The following L3MBTL4 variants were observed in gnomAD, a reference collection of about 807,000 sequenced individuals.
L3MBTL4 encodes lethal(3)malignant brain tumor-like protein 4.
L3MBTL4 carries 70 observed loss-of-function variants against 84.5 expected under a neutral mutation model. The observed-to-expected ratio is 0.83, with a 90% confidence interval of 0.68 to 1.01. The LOEUF (loss-of-function observed/expected upper bound fraction) is 1.01, where lower values mean the gene tolerates loss of function less well. L3MBTL4 is among the 50% of genes least tolerant of loss of function. The pLI is 0.00. For missense variants in L3MBTL4, 715 were observed against 754.8 expected, an observed-to-expected ratio of 0.95 and a Z score of 0.62; for synonymous variants, 274 against 259.8, an observed-to-expected ratio of 1.05 and a Z score of -0.52.
chr18:6,079,059 T>G (rs2057975890), intron 16 of L3MBTL4, among the ~76,000 whole-genome samples: 1 of 152,144 alleles, frequency 6.6e-6, no homozygotes, highest in African/African-American at 2.4e-5. Context: ...AGAGCAGCTG[T>G]GAATGCAGAT....
chr18:5,986,922 C>T (rs539795559), intron 16 of L3MBTL4, among the ~76,000 whole-genome samples: 1 of 152,248 alleles, frequency 6.6e-6, no homozygotes, highest in South Asian at 2.1e-4. Flanking sequence ...TTGTGCTATG[C>T]AAATGTTAGG....
intron 12 of L3MBTL4, among the ~76,000 whole-genome samples, chr18:6,181,755 C>T (rs1383001564): frequency 4.6e-5 from 7 of 151,906 alleles, no homozygotes; most frequent in East Asian, 1.9e-4. Flanking sequence ...AGTGAGAATA[C>T]GTGGTATTTG....
intron 1 of L3MBTL4, among the ~76,000 whole-genome samples, chr18:6,374,954 G>A (rs1398657850): frequency 2.0e-5 from 3 of 152,080 alleles, no homozygotes; most frequent in African/African-American, 4.8e-5. Context: ...GACACAATTC[G>A]ATAAAGCCTT....
chr18:6,203,414 T>C lies in L3MBTL4; in HGVS notation c.981+9735A>G, dbSNP rs574905651. ...TGAAGTTTATTCCAAAATTAGGGTGTAATTGGCTCATAAAGTTGACTAGAC... is the reference window on the plus strand; with the variant it reads ...TGAAGTTTATTCCAAAATTAGGGTGCAATTGGCTCATAAAGTTGACTAGAC... On this transcript the variant is annotated intron_variant, in intron 12 of 18. Coordinates refer to ENST00000317931, the MANE Select transcript of L3MBTL4 (RefSeq NM_001330559.2). Among the ~76,000 whole-genome samples, 23 of 152,282 alleles carry C rather than the reference T, an allele frequency of 1.5e-4. No individual in the cohort carries two copies. The East Asian group carries it at 3.1e-3, about 20-fold the overall frequency.
intron 1 of L3MBTL4, among the ~76,000 whole-genome samples, chr18:6,360,372 A>G (rs2053632207): frequency 6.6e-6 from 1 of 152,186 alleles, no homozygotes; most frequent in Non-Finnish European, 1.5e-5. Flanking sequence ...CCCTGTCTCA[A>G]AACAAAAATT....
At chr18:6,151,801 ACATCACCACC>A (rs2144842458) in intron 13 of L3MBTL4, among the ~76,000 whole-genome samples, 1 of 152,346 alleles carries the variant, frequency 6.6e-6, no homozygotes, top group South Asian at 2.1e-4. Context: ...TCAAATTAAC[ACATCACCACC>A]CATGCTGTAC....
At chr18:6,242,938 G>C (rs1283732351) in intron 7 of L3MBTL4, among the ~76,000 whole-genome samples, 1 of 152,088 alleles carries the variant, frequency 6.6e-6, no homozygotes, top group African/African-American at 2.4e-5. Flanking sequence ...TCCTCACCTT[G>C]CTGTATCATT....
At chr18:6,094,575 C>G (rs552068348) in intron 14 of L3MBTL4, among the ~76,000 whole-genome samples, 1 of 152,226 alleles carries the variant, frequency 6.6e-6, no homozygotes, top group South Asian at 2.1e-4. Flanking sequence ...GCAGTTGATT[C>G]TTTTCTGAGC....
chr18:6,083,170 G>A (rs1009684188), intron 15 of L3MBTL4, among the ~76,000 whole-genome samples: 6 of 152,236 alleles, frequency 3.9e-5, no homozygotes, highest in Admixed American at 6.5e-5. Flanking sequence ...TTCCAATAGC[G>A]TACAGTTTAC....
intron 4 of L3MBTL4, among the ~76,000 whole-genome samples, chr18:6,293,197 T>C (rs7226711): frequency 0.19 from 28,707 of 152,046 alleles, 2,835 homozygotes; most frequent in African/African-American, 0.24. Context: ...AGACTTTCCT[T>C]AGCTCTGTCC....
At chr18:6,394,787 C>T (rs766688630) in intron 1 of L3MBTL4, 27 of 152,086 alleles carry the variant, frequency 1.8e-4, no homozygotes, top group Non-Finnish European at 3.8e-4. Flanking sequence ...GATCCCACCT[C>T]ACCACCAAGA....
In L3MBTL4 at chr18:6,178,725, G is replaced by A. The variant is rs150882368; in HGVS notation, c.982-6783C>T. ...AACGTTACACATTAGCTATTAAAGA[G>A]CGGTAAGAAATAACTTGGAAATTTA... On this transcript the variant is annotated intron_variant, in intron 12 of 18. Transcript: ENST00000317931. Among the ~76,000 whole-genome samples the A allele has an allele frequency of 2.1e-3, 319 of 152,232 alleles. 1 individual carries two copies. Among genetic ancestry groups the A allele is most frequent in the African/African-American group, 7.4e-3 (307 of 41,538 alleles).
chr18:6,238,271 C>G (rs570571426), intron 9 of L3MBTL4, among the ~76,000 whole-genome samples: 1 of 152,214 alleles, frequency 6.6e-6, no homozygotes, highest in Non-Finnish European at 1.5e-5. Context: ...CGGTGGCTCA[C>G]GCCTGTAATC....
At chr18:6,147,443 A>G (rs1439274011) in intron 13 of L3MBTL4, among the ~76,000 whole-genome samples, 1 of 152,224 alleles carries the variant, frequency 6.6e-6, no homozygotes, top group East Asian at 1.9e-4. Flanking sequence ...ATCATATTTC[A>G]TAATACATAA....
At chr18:6,032,016 T>C (rs1325767114) in intron 16 of L3MBTL4, 7 of 260,736 alleles carry the variant, frequency 2.7e-5, no homozygotes, top group Non-Finnish European at 4.2e-5. Flanking sequence ...CTTGCTCTGT[T>C]GCCCAGGCTG....
intron 12 of L3MBTL4, among the ~76,000 whole-genome samples, chr18:6,185,396 C>T (rs1461169152): frequency 6.6e-6 from 1 of 152,098 alleles, no homozygotes; most frequent in Non-Finnish European, 1.5e-5. Flanking sequence ...TTGGTTTTGG[C>T]CAATGAGAAG....
At position 6,244,505 on chromosome 18, in the gene L3MBTL4, G is replaced by C; in HGVS notation, c.303C>G (p.Phe101Leu). 6.2e-7 allele frequency: 1 copy of C among 1,612,600 alleles called. No individual in the cohort carries two copies. The highest frequency in any genetic ancestry group is 1.1e-5 in the South Asian group (1 of 91,014). ...EGIDPRHPSVFCVLSVAEVCG... is the reference protein window; with the variant it reads ...EGIDPRHPSVLCVLSVAEVCG... ...TTACCTCCGCTACAGAAAGCACACA[G>C]AATACCGATGGATGTCGGGGATCAA... is the stretch of plus-strand genomic sequence containing the variant. The change falls in exon 6 of 19, where the codon TTC becomes TTG. Residue 101 changes from phenylalanine to leucine, a missense_variant. Physicochemically the swap from Phe to Leu is conservative, Grantham distance 22 (BLOSUM62 0). Transcript: ENST00000317931.
chr18:5,994,660 A>G (rs2053865353), intron 16 of L3MBTL4, among the ~76,000 whole-genome samples: 1 of 151,744 alleles, frequency 6.6e-6, no homozygotes, highest in Non-Finnish European at 1.5e-5. Flanking sequence ...TTGGAAAGAT[A>G]GGGACCAGAC....
chr18:6,086,474 T>C (rs961324049), intron 15 of L3MBTL4, among the ~76,000 whole-genome samples: 4 of 152,182 alleles, frequency 2.6e-5, no homozygotes, highest in Admixed American at 6.5e-5. Context: ...TCAGCATAAC[T>C]GTACATTCAT....
Sources: gnomAD v4.1 joint callset for allele counts (sites outside exome capture counted in the v4.1 genomes callset) on GRCh38, gnomAD v4.1.1 for gene constraint, MANE v1.5 for transcripts, NCBI Gene and HGNC (gene_info 2026-07-23, HGNC 2026-07-21) for gene names.